Variants in SHISA9 observed in about 807,000 individuals in gnomAD.
SHISA9 encodes protein shisa-9.
A neutral mutation model predicts 38.0 loss-of-function variants in SHISA9; 13 were observed. The ratio of observed to expected loss-of-function variants is 0.34; its 90% CI spans 0.22 to 0.54. SHISA9 has a LOEUF of 0.54. Among genes scored for constraint, SHISA9 ranks in the 20% least tolerant of loss-of-function variants. SHISA9 has a pLI of 0.91. For synonymous variants in SHISA9, 275 were observed against 242.0 expected, an observed-to-expected ratio of 1.14 and a Z score of -1.27; for missense variants, 538 against 575.8, an observed-to-expected ratio of 0.93 and a Z score of 0.67.
chr16:13,476,753 T>TG, the SHISA9 span, among the ~76,000 whole-genome samples: 3 of 133,130 alleles, frequency 2.3e-5, no homozygotes, highest in East Asian at 6.3e-4. Flanking sequence ...TTTTTTTTTT[T>TG]TTTTTTTTTT....
chr16:13,314,596 AC>A, the SHISA9 span, among the ~76,000 whole-genome samples: 11 of 152,036 alleles, frequency 7.2e-5, no homozygotes, highest in East Asian at 3.8e-4. Flanking sequence ...CCAAAAAAAA[AC>A]GTGCATACAT....
chr16:13,541,674 C>A, the SHISA9 span, among the ~76,000 whole-genome samples: 1 of 152,178 alleles, frequency 6.6e-6, no homozygotes, highest in Non-Finnish European at 1.5e-5. Flanking sequence ...GGGGTGGGGT[C>A]TTCGGGGACA....
At chr16:13,345,308 C>G in the SHISA9 span, among the ~76,000 whole-genome samples, 1 of 152,138 alleles carries the variant, frequency 6.6e-6, no homozygotes, top group African/African-American at 2.4e-5. Flanking sequence ...CCTCTGTGTT[C>G]ATGTGTTCTC....
At chr16:13,099,043 G>C (rs1035619660) in intron 2 of SHISA9, among the ~76,000 whole-genome samples, 4 of 152,262 alleles carry the variant, frequency 2.6e-5, no homozygotes, top group African/African-American at 4.8e-5. Context: ...GTGGGGCACT[G>C]TTCTAGATCT....
chr16:13,547,940 G>A, the SHISA9 span, among the ~76,000 whole-genome samples: 1 of 152,196 alleles, frequency 6.6e-6, no homozygotes, highest in East Asian at 1.9e-4. Context: ...AAAGCTGGTG[G>A]CATCACACTA....
intron 4 of SHISA9, among the ~76,000 whole-genome samples, chr16:13,214,435 A>C (rs1014413978): frequency 6.6e-6 from 1 of 151,920 alleles, no homozygotes; most frequent in African/African-American, 2.4e-5. Context: ...CAAAATCCTG[A>C]CCTCAGATGA....
intron 2 of SHISA9, among the ~76,000 whole-genome samples, chr16:12,987,201 C>T (rs1417083903): frequency 6.6e-6 from 1 of 152,166 alleles, no homozygotes; most frequent in Non-Finnish European, 1.5e-5. Flanking sequence ...GTCCGTAGAT[C>T]TATACCAAGT....
chr16:13,335,757 T>TGG, the SHISA9 span, among the ~76,000 whole-genome samples: 1 of 151,990 alleles, frequency 6.6e-6, no homozygotes, highest in Non-Finnish European at 1.5e-5. Context: ...AAGACCATTT[T>TGG]GGGGGGGATC....
At chr16:13,448,172 A>T in the SHISA9 span, among the ~76,000 whole-genome samples, 1 of 152,156 alleles carries the variant, frequency 6.6e-6, no homozygotes, top group African/African-American at 2.4e-5. Context: ...TTTCCCACTC[A>T]TTTGGAGAAA....
chr16:13,418,400 G>C, the SHISA9 span, among the ~76,000 whole-genome samples: 1 of 152,286 alleles, frequency 6.6e-6, no homozygotes, highest in East Asian at 1.9e-4. Flanking sequence ...ACCTGGGGCT[G>C]TATATCTGGC....
At chr16:13,101,563 TTA>T (rs1177899388) in intron 2 of SHISA9, among the ~76,000 whole-genome samples, 1 of 152,248 alleles carries the variant, frequency 6.6e-6, no homozygotes, top group Non-Finnish European at 1.5e-5. Flanking sequence ...GTTGATGGTC[TTA>T]TTTAAAAAAA....
chr16:13,459,800 G>A, the SHISA9 span, among the ~76,000 whole-genome samples: 3,660 of 152,262 alleles, frequency 0.024, 147 homozygotes, highest in East Asian at 0.21. Flanking sequence ...GCATCATGCC[G>A]TTATCTGGCC....
the SHISA9 span, among the ~76,000 whole-genome samples, chr16:13,386,195 G>T: frequency 7.6e-4 from 115 of 152,304 alleles, 1 homozygote; most frequent in African/African-American, 2.6e-3. Context: ...TCCTGATTAT[G>T]ATATTATACT....
chr16:12,999,172 G>A (rs902149430), intron 2 of SHISA9, among the ~76,000 whole-genome samples: 1 of 152,172 alleles, frequency 6.6e-6, no homozygotes, highest in Non-Finnish European at 1.5e-5. Context: ...GCCTTCTCAT[G>A]CTTAGGAACA....
intron 2 of SHISA9, among the ~76,000 whole-genome samples, chr16:12,932,320 C>T (rs1419931964): frequency 1.3e-5 from 2 of 152,118 alleles, no homozygotes; most frequent in Non-Finnish European, 2.9e-5. Context: ...CTTCACAACT[C>T]TGCAAAGTGG....
At chr16:13,434,079 T>C in the SHISA9 span, among the ~76,000 whole-genome samples, 2 of 152,164 alleles carry the variant, frequency 1.3e-5, no homozygotes, top group African/African-American at 4.8e-5. Context: ...CAGCCTTCAG[T>C]CTGTGGTCTA....
the SHISA9 span, among the ~76,000 whole-genome samples, chr16:13,550,069 G>A: frequency 1.3e-5 from 2 of 151,682 alleles, no homozygotes; most frequent in Non-Finnish European, 2.9e-5. Context: ...AGAACTCAAT[G>A]ATGAGAAGGA....
At chr16:13,196,282 A>G (rs2050940337) in intron 2 of SHISA9, among the ~76,000 whole-genome samples, 1 of 149,650 alleles carries the variant, frequency 6.7e-6, no homozygotes, top group Non-Finnish European at 1.5e-5. Flanking sequence ...CTGTAGTTCC[A>G]GCTACTCGGG....
At chr16:13,464,993 C>T in the SHISA9 span, among the ~76,000 whole-genome samples, 3 of 152,148 alleles carry the variant, frequency 2.0e-5, no homozygotes, top group Non-Finnish European at 4.4e-5. Context: ...ATAATGGAGA[C>T]ATTATCCTAA....
Sources: gnomAD v4.1 joint callset for allele counts (sites outside exome capture counted in the v4.1 genomes callset) on GRCh38, gnomAD v4.1.1 for gene constraint, MANE v1.5 for transcripts, NCBI Gene and HGNC (gene_info 2026-07-23, HGNC 2026-07-21) for gene names.